STPG2: variants seen among roughly 807,000 people sequenced by gnomAD.
STPG2 encodes sperm-tail PG-rich repeat-containing protein 2.
STPG2 carries 56 observed loss-of-function variants against 54.2 expected under a neutral mutation model. The observed-to-expected ratio is 1.03, with a 90% CI of 0.83 to 1.29. The LOEUF is 1.29. Among genes scored for constraint, STPG2 ranks in the 50% most tolerant of loss-of-function variants. The probability of loss-of-function intolerance (pLI) is 0.00; values close to 1 mark genes in which losing one functional copy is unlikely to be tolerated. For missense variants in STPG2, 596 were observed against 544.9 expected, an observed-to-expected ratio of 1.09 and a Z score of -0.93; for synonymous variants, 200 against 181.8, an observed-to-expected ratio of 1.10 and a Z score of -0.81.
intron 8 of STPG2, among the ~76,000 whole-genome samples, chr4:97,936,225 G>C (rs907582619): frequency 1.3e-5 from 2 of 152,040 alleles, no homozygotes; most frequent in Non-Finnish European, 2.9e-5. Context: ...TTTACCATTT[G>C]CTTGGTAAAT....
chr4:97,959,960 C>T (rs561431811), intron 7 of STPG2, among the ~76,000 whole-genome samples: 2 of 152,188 alleles, frequency 1.3e-5, no homozygotes, highest in African/African-American at 4.8e-5. Context: ...AAAATACTAG[C>T]TCACTGAATC....
chr4:97,496,294 A>G lies in STPG2; in HGVS notation c.462+216405T>C, dbSNP rs548744884. Among the ~76,000 whole-genome samples the G allele has an allele frequency of 3.3e-5, 5 of 151,860 alleles. No individual in the cohort carries two copies. The South Asian group carries it at 6.2e-4, about 19-fold the overall frequency. Reference sequence around the variant, plus strand: ...ATTATAAGTACTTGCCTAGGTCAATATGGAATTCTAACAGTTGAACAGAAT... The same window carrying G: ...ATTATAAGTACTTGCCTAGGTCAATGTGGAATTCTAACAGTTGAACAGAAT... On this transcript the variant is annotated intron_variant, in intron 4 of 4. Transcript: ENST00000522676.
chr4:97,900,840 G>C (rs968766896), intron 8 of STPG2, among the ~76,000 whole-genome samples: 1 of 151,752 alleles, frequency 6.6e-6, no homozygotes, highest in Non-Finnish European at 1.5e-5. Context: ...TTAATGCCTG[G>C]GTAACGAAAT....
rs1476112759 is a variant in STPG2 at position 97,596,496 on chromosome 4, T to C, written c.1321-37379A>G. Reference sequence around the variant, plus strand: ...TTTGCACATAGCACATATTCTAAAATGGACCACATAATTGGCCATAAAACA... The same window carrying C: ...TTTGCACATAGCACATATTCTAAAACGGACCACATAATTGGCCATAAAACA... On this transcript the variant is annotated intron_variant, in intron 10 of 10. Coordinates refer to ENST00000295268, the MANE Select transcript of STPG2 (RefSeq NM_174952.3). Among the ~76,000 whole-genome samples the C allele has an allele frequency of 2.0e-5, 3 of 152,224 alleles. No homozygotes were observed. The East Asian group carries it at 5.8e-4, about 29-fold the overall frequency.
intron 9 of STPG2, among the ~76,000 whole-genome samples, chr4:97,829,138 G>A (rs356553): frequency 0.035 from 5,331 of 152,224 alleles, 145 homozygotes; most frequent in Non-Finnish European, 0.056. Context: ...GCTGGCATCC[G>A]GTGGGTGCCC....
At chr4:97,861,834 T>C (rs1033665869) in intron 8 of STPG2, among the ~76,000 whole-genome samples, 17 of 151,922 alleles carry the variant, frequency 1.1e-4, no homozygotes, top group African/African-American at 4.1e-4. Flanking sequence ...GTTTCATAAG[T>C]GAAGGAGAAA....
intron 8 of STPG2, among the ~76,000 whole-genome samples, chr4:97,849,596 A>T (rs1044634946): frequency 1.3e-5 from 2 of 152,206 alleles, no homozygotes; most frequent in African/African-American, 4.8e-5. Flanking sequence ...CAACCCCATC[A>T]AAAAGTGGGC....
At chr4:98,082,054 AAG>A (rs1738359874) in intron 5 of STPG2, among the ~76,000 whole-genome samples, 1 of 152,182 alleles carries the variant, frequency 6.6e-6, no homozygotes, top group Admixed American at 6.5e-5. Flanking sequence ...GAAAGTTATG[AAG>A]ACAGTCAGAC....
At chr4:97,662,688 C>T (rs1219648901) in intron 10 of STPG2, among the ~76,000 whole-genome samples, 1 of 152,008 alleles carries the variant, frequency 6.6e-6, no homozygotes, top group East Asian at 1.9e-4. Flanking sequence ...AATGCAGGAA[C>T]AGCAAACTAA....
At chr4:97,961,943 A>C (rs1377513751) in intron 7 of STPG2, among the ~76,000 whole-genome samples, 35 of 152,202 alleles carry the variant, frequency 2.3e-4, no homozygotes, top group Admixed American at 2.3e-3. Flanking sequence ...AATTGTAAAA[A>C]TGTGGAACCA....
chr4:97,882,794 A>G (rs899047061), intron 8 of STPG2, among the ~76,000 whole-genome samples: 4 of 152,148 alleles, frequency 2.6e-5, no homozygotes, highest in African/African-American at 7.2e-5. Flanking sequence ...AATCCTGAAC[A>G]AGACTGACAC....
chr4:98,143,119 A>C lies in STPG2; in HGVS notation c.32T>G (p.Leu11Trp). The part of the protein sequence containing the change: MYDRAPRLLK[L>W]AEGGSTEAHV... ...GGCCTCAGTGCTGCCACCTTCAGCC[A>C]ATTTGAGCAGGCGGGGAGCCCGATC... Residue 11 changes from leucine (L) to tryptophan (W), a missense_variant, in exon 1 of 11, where the codon TTG (leucine) becomes TGG (tryptophan). By Grantham distance (61) the Leu-to-Trp change is moderately conservative. Transcript: ENST00000295268. The C allele has an allele frequency of 6.2e-7, 1 of 1,613,944 alleles. No individual in the cohort carries two copies. The highest frequency in any genetic ancestry group is 8.5e-7 in the Non-Finnish European group (1 of 1,179,944).
chr4:97,621,472 C>A (rs189960299), intron 10 of STPG2, among the ~76,000 whole-genome samples: 14 of 152,124 alleles, frequency 9.2e-5, no homozygotes, highest in African/African-American at 3.4e-4. Context: ...CACAGACATA[C>A]AAGAACGCTG....
At chr4:98,130,491 AT>A (rs1441102595) in intron 2 of STPG2, among the ~76,000 whole-genome samples, 1 of 152,110 alleles carries the variant, frequency 6.6e-6, no homozygotes, top group Non-Finnish European at 1.5e-5. Flanking sequence ...CCAGAATTTT[AT>A]TTTTTATCAA....
chr4:97,824,489 T>C (rs1206582065), intron 9 of STPG2, among the ~76,000 whole-genome samples: 1 of 152,190 alleles, frequency 6.6e-6, no homozygotes, highest in South Asian at 2.1e-4. Flanking sequence ...GCTATGAATT[T>C]GTCTTTCTGT....
intron 7 of STPG2, among the ~76,000 whole-genome samples, chr4:97,948,554 C>T (rs770861261): frequency 6.6e-6 from 1 of 152,062 alleles, no homozygotes; most frequent in Non-Finnish European, 1.5e-5. Flanking sequence ...GCATTTAGTG[C>T]TACAAACATT....
intron 3 of STPG2, among the ~76,000 whole-genome samples, chr4:98,113,630 A>T (rs1009929744): frequency 2.0e-5 from 3 of 152,016 alleles, no homozygotes; most frequent in Admixed American, 1.3e-4. Flanking sequence ...CTGAGTGATG[A>T]GTGACAGTCT....
At chr4:97,701,835 A>G (rs564439233) in intron 10 of STPG2, among the ~76,000 whole-genome samples, 1 of 152,256 alleles carries the variant, frequency 6.6e-6, no homozygotes, top group East Asian at 1.9e-4. Context: ...AGTAGCTACG[A>G]CCACTTTGCC....
chr4:97,975,446 T>C (rs570148436), intron 6 of STPG2, among the ~76,000 whole-genome samples: 2 of 152,240 alleles, frequency 1.3e-5, no homozygotes, highest in Non-Finnish European at 2.9e-5. Flanking sequence ...TTTATTTTTC[T>C]GTGCATATTC....
Sources: gnomAD v4.1 joint callset for allele counts (sites outside exome capture counted in the v4.1 genomes callset) on GRCh38, gnomAD v4.1.1 for gene constraint, MANE v1.5 for transcripts, NCBI Gene and HGNC (gene_info 2026-07-23, HGNC 2026-07-21) for gene names.